The following KCNIP4 variants were observed in gnomAD, a reference collection of about 807,000 sequenced individuals.
KCNIP4 encodes the protein potassium voltage-gated channel interacting protein 4.
Under a neutral mutation model 34.0 loss-of-function variants are expected in KCNIP4, and 12 were observed. The ratio of observed to expected loss-of-function variants is 0.35; its 90% CI spans 0.23 to 0.57. The LOEUF (loss-of-function observed/expected upper bound fraction) is 0.57. Ranked by LOEUF, KCNIP4 falls within the 20% of genes least tolerant of loss-of-function variation. KCNIP4 has a pLI of 0.83. For synonymous variants in KCNIP4, 124 were observed against 102.2 expected, an observed-to-expected ratio of 1.21 and a Z score of -1.29; for missense variants, 238 against 311.7, an observed-to-expected ratio of 0.76 and a Z score of 1.78.
intron 5 of KCNIP4, 135 bp from the exon 6 acceptor site, chr4:20,734,870 G>A (rs553516998): frequency 2.1e-6 from 1 of 476,810 alleles, no homozygotes; most frequent in East Asian, 3.6e-5. Context: ...GTTATTGGTT[G>A]TCTAGTTTTC....
intron 1 of KCNIP4, among the ~76,000 whole-genome samples, chr4:20,991,152 T>C (rs375330297): frequency 6.6e-6 from 1 of 152,174 alleles, no homozygotes; most frequent in Admixed American, 6.5e-5. Flanking sequence ...GGTTCTTACA[T>C]TGGAGGGGAA....
chr4:21,633,115 T>C (rs1745878443), intron 1 of KCNIP4, among the ~76,000 whole-genome samples: 1 of 152,170 alleles, frequency 6.6e-6, no homozygotes, highest in Non-Finnish European at 1.5e-5. Flanking sequence ...ACAAGCTCCC[T>C]CACAAAAATC....
chr4:21,557,093 G>A lies in KCNIP4; in HGVS notation c.61+391478C>T, dbSNP rs377236346. 1.7e-3 allele frequency among the ~76,000 whole-genome samples: 254 copies of A among 152,120 alleles called. 11 individuals carry two copies. The South Asian group carries it at 0.046, about 28-fold the overall frequency. On this transcript the variant is annotated intron_variant, in intron 1 of 8. Transcript: ENST00000382152. ...AAATATATGCATTGCATATCTTCCA[G>A]TAGTGGGTACCATGTGGAGCACTTA...
rs77434971 is a variant in KCNIP4 at position 21,364,869 on chromosome 4, A to G, written c.62-482160T>C. Among the ~76,000 whole-genome samples, 354 of 152,314 alleles carry G rather than the reference A, an allele frequency of 2.3e-3. 1 individual carries two copies. The highest frequency in any genetic ancestry group is 8.3e-3 in the African/African-American group (347 of 41,572). ...GCAACTATCTTAGAAGAAAAAGTAC[A>G]TGAGTTGGACTTCGATGGTTGGGGT... On this transcript the variant is annotated intron_variant, in intron 1 of 8. Coordinates refer to ENST00000382152, the MANE Select transcript of KCNIP4 (RefSeq NM_025221.6).
chr4:21,244,975 A>G (rs971848873), intron 1 of KCNIP4, among the ~76,000 whole-genome samples: 2 of 152,240 alleles, frequency 1.3e-5, no homozygotes, highest in Non-Finnish European at 2.9e-5. Context: ...CATCTATTAC[A>G]TGAAAGCTAT....
At chr4:21,638,119 T>G (rs1246418294) in intron 1 of KCNIP4, among the ~76,000 whole-genome samples, 1 of 152,146 alleles carries the variant, frequency 6.6e-6, no homozygotes. Context: ...TATCTGAAGG[T>G]TTACTTCAAT....
chr4:21,452,051 C>G (rs560387606), intron 1 of KCNIP4, among the ~76,000 whole-genome samples: 61 of 152,030 alleles, frequency 4.0e-4, no homozygotes, highest in African/African-American at 1.1e-3. Context: ...CCCCCAACTC[C>G]GCCTTCCAGA....
rs1360099181 is a variant in KCNIP4, at chr4:20,779,581, C to CT, written c.289-20692_289-20691insA. 2.3e-5 allele frequency among the ~76,000 whole-genome samples: 3 copies of CT among 132,730 alleles called. 1 individual carries two copies. The highest frequency in any genetic ancestry group is 8.5e-5 in the African/African-American group (3 of 35,122). 87.1% of individuals were successfully genotyped at this position (132,730 alleles called of 152,430 possible). ...CAAGTCCCCCCTGCCCCACAACCCC[C>CT]CCCCCCCACACAAAAAAGAAATGAA... On this transcript the variant is annotated intron_variant, in intron 3 of 8. Transcript: ENST00000382152.
intron 1 of KCNIP4, among the ~76,000 whole-genome samples, chr4:21,356,159 T>C (rs1718571164): frequency 6.6e-6 from 1 of 152,244 alleles, no homozygotes; most frequent in South Asian, 2.1e-4. Flanking sequence ...TAAATACTGA[T>C]GGAACATATC....
At chr4:20,997,980 G>T (rs1411065419) in intron 1 of KCNIP4, among the ~76,000 whole-genome samples, 1 of 152,158 alleles carries the variant, frequency 6.6e-6, no homozygotes, top group South Asian at 2.1e-4. Context: ...GGTAATCCAG[G>T]TAGAGCTGTT....
intron 1 of KCNIP4, among the ~76,000 whole-genome samples, chr4:21,003,239 G>C (rs1738288820): frequency 6.6e-6 from 1 of 152,120 alleles, no homozygotes; most frequent in African/African-American, 2.4e-5. Flanking sequence ...TTCAAAATCT[G>C]CTCCTCCCTT....
At chr4:21,079,711 A>ATTG (rs1745833370) in intron 1 of KCNIP4, among the ~76,000 whole-genome samples, 1 of 151,870 alleles carries the variant, frequency 6.6e-6, no homozygotes, top group Non-Finnish European at 1.5e-5. Context: ...CTGGAATATA[A>ATTG]AGAGATTATT....
intron 1 of KCNIP4, among the ~76,000 whole-genome samples, chr4:21,862,189 AC>A (rs1403912107): frequency 6.6e-6 from 1 of 152,076 alleles, no homozygotes; most frequent in Non-Finnish European, 1.5e-5. Flanking sequence ...ACTCACTGTT[AC>A]TTTAGGCTGC....
At chr4:21,256,666 G>A (rs1245583416) in intron 1 of KCNIP4, among the ~76,000 whole-genome samples, 3 of 152,106 alleles carry the variant, frequency 2.0e-5, no homozygotes, top group Admixed American at 2.0e-4. Context: ...TAATTAAGGA[G>A]TCTAGATTTA....
intron 1 of KCNIP4, among the ~76,000 whole-genome samples, chr4:21,739,131 T>C (rs1432811257): frequency 2.6e-5 from 4 of 152,104 alleles, no homozygotes; most frequent in Non-Finnish European, 5.9e-5. Context: ...AGACTTATTG[T>C]AAAATTAGGT....
In KCNIP4 at chr4:21,399,590, C is replaced by CT. The variant is rs200747867; in HGVS notation, c.62-516882dup. On this transcript the variant is annotated intron_variant, in intron 1 of 8. Transcript: ENST00000382152. ...AACTGGCTTTTAAGTCACTCAAGTACTAACTGGGCTTGCCAGATAAAATAC... is the reference window on the plus strand; with the variant it reads ...AACTGGCTTTTAAGTCACTCAAGTACTTAACTGGGCTTGCCAGATAAAATAC... 8.5e-3 allele frequency among the ~76,000 whole-genome samples: 1,286 copies of CT among 151,954 alleles called. 17 individuals are homozygous for CT. The highest frequency in any genetic ancestry group is 0.03 in the African/African-American group (1,236 of 41,444).
intron 1 of KCNIP4, among the ~76,000 whole-genome samples, chr4:21,864,967 C>T (rs1212479963): frequency 3.3e-5 from 5 of 152,118 alleles, no homozygotes; most frequent in Admixed American, 2.6e-4. Flanking sequence ...TGGACATTGA[C>T]AAGATGATGC....
chr4:21,806,609 A>C (rs1286553599), intron 1 of KCNIP4, among the ~76,000 whole-genome samples: 1 of 152,258 alleles, frequency 6.6e-6, no homozygotes, highest in Admixed American at 6.5e-5. Flanking sequence ...CAGCACTGAA[A>C]TACAACTGTG....
chr4:21,933,012 G>T (rs1729654908), intron 1 of KCNIP4, among the ~76,000 whole-genome samples: 4 of 132,374 alleles, frequency 3.0e-5, no homozygotes, highest in African/African-American at 1.1e-4. Context: ...ACCACAGTCA[G>T]ATTTCAGAGG....
Sources: allele counts gnomAD v4.1 joint callset (sites outside exome capture counted in the v4.1 genomes callset), GRCh38; gene constraint gnomAD v4.1.1; transcripts MANE v1.5; gene names NCBI Gene and HGNC (gene_info 2026-07-23, HGNC 2026-07-21).